MOXD1: variants seen among roughly 807,000 people sequenced by gnomAD.
The protein encoded by MOXD1 is monooxygenase DBH like 1.
MOXD1 carries 62 observed loss-of-function variants against 66.6 expected under a neutral mutation model. The ratio of observed to expected loss-of-function variants is 0.93; its 90% CI spans 0.76 to 1.15. The LOEUF is 1.15. Among genes scored for constraint, MOXD1 ranks in the 50% most tolerant of loss-of-function variants. The probability of loss-of-function intolerance (pLI) is 0.00; values close to 1 mark genes in which losing one functional copy is unlikely to be tolerated. For synonymous variants in MOXD1, 303 were observed against 281.9 expected, an observed-to-expected ratio of 1.07 and a Z score of -0.75; for missense variants, 847 against 754.6, an observed-to-expected ratio of 1.12 and a Z score of -1.44.
In MOXD1 at chr6:132,360,868, T is replaced by C. The variant is rs551939348; in HGVS notation, c.663+11740A>G. The stretch of plus-strand genomic sequence containing the variant: ...GGAATGTTTCCAGCTGATTAAAATA[T>C]ATAGTGGGCATATCGAGTATACATC... On this transcript the variant is annotated intron_variant, in intron 4 of 11. Transcript: ENST00000367963. 2.2e-4 allele frequency among the ~76,000 whole-genome samples: 33 copies of C among 152,368 alleles called. 1 individual carries two copies. Among genetic ancestry groups the C allele is most frequent in the South Asian group, 2.1e-4 (1 of 4,830 alleles).
At chr6:132,363,203 T>C (rs1776049251) in intron 4 of MOXD1, among the ~76,000 whole-genome samples, 1 of 74,014 alleles carries the variant, frequency 1.4e-5, no homozygotes, top group Admixed American at 1.5e-4. Flanking sequence ...ATGTCAAATG[T>C]TCTTACCACA....
intron 9 of MOXD1, among the ~76,000 whole-genome samples, chr6:132,318,748 G>A (rs1389598082): frequency 2.6e-5 from 4 of 152,138 alleles, no homozygotes; most frequent in Admixed American, 2.6e-4. Flanking sequence ...CCAAAGTCAT[G>A]AAGATATATT....
intron 1 of MOXD1, among the ~76,000 whole-genome samples, chr6:132,386,756 C>T (rs1776656431): frequency 6.6e-6 from 1 of 151,472 alleles, no homozygotes; most frequent in Non-Finnish European, 1.5e-5. Flanking sequence ...TTAATACTTC[C>T]AGTGACAATG....
At chr6:132,391,110 C>T (rs1776750751) in intron 1 of MOXD1, 1 of 151,244 alleles carries the variant, frequency 6.6e-6, no homozygotes, top group South Asian at 2.1e-4. Context: ...GTTTAGTTTT[C>T]TCACCTGAAA....
At chr6:132,302,337 T>C (rs1357791891) in intron 10 of MOXD1, among the ~76,000 whole-genome samples, 1 of 152,138 alleles carries the variant, frequency 6.6e-6, no homozygotes, top group Non-Finnish European at 1.5e-5. Flanking sequence ...AATGTCCTGT[T>C]GTCTATGTCT....
intron 10 of MOXD1, among the ~76,000 whole-genome samples, chr6:132,307,688 A>T (rs973354911): frequency 7.9e-5 from 12 of 152,246 alleles, no homozygotes; most frequent in African/African-American, 1.2e-4. Flanking sequence ...ACCACAGTGC[A>T]GTCAAATTAG....
At chr6:132,347,062 A>T (rs912676289) in intron 4 of MOXD1, among the ~76,000 whole-genome samples, 2 of 152,242 alleles carry the variant, frequency 1.3e-5, no homozygotes, top group African/African-American at 4.8e-5. Flanking sequence ...GTGAGTGTTT[A>T]TATGTACCAA....
chr6:132,374,548 C>A, intron 2 of MOXD1, 83 bp downstream of exon 2: 2 of 1,180,552 alleles, frequency 1.7e-6, no homozygotes, highest in South Asian at 4.0e-5. Context: ...GACTATATGA[C>A]TTGTTTCTCT....
intron 4 of MOXD1, among the ~76,000 whole-genome samples, chr6:132,360,736 T>C (rs1224896470): frequency 1.3e-5 from 2 of 152,234 alleles, no homozygotes; most frequent in Non-Finnish European, 2.9e-5. Flanking sequence ...GCTGAAAAAC[T>C]ACGTGTTATA....
intron 1 of MOXD1, among the ~76,000 whole-genome samples, chr6:132,383,855 A>C (rs143553608): frequency 0.021 from 3,136 of 152,184 alleles, 59 homozygotes; most frequent in South Asian, 0.057. Context: ...AGATCACCTG[A>C]GGTTAGGAGT....
At chr6:132,309,977 G>T (rs55842913) in intron 10 of MOXD1, among the ~76,000 whole-genome samples, 7,234 of 152,226 alleles carry the variant, frequency 0.048, 541 homozygotes, top group African/African-American at 0.16. Context: ...AAAAGCAATT[G>T]CAACAAATGC....
Position 132,320,499 on chromosome 6 carries a change from G to T in MOXD1, c.1365+130C>A, listed in dbSNP as rs1775055321. The stretch of plus-strand genomic sequence containing the variant: ...AAAACATCTCTGATGTCACTTTTAT[G>T]ATACTTGATACTCAAGATTTTTAGA... On this transcript the variant is annotated intron_variant, in intron 9 of 11. Transcript: ENST00000367963. 3 of 687,508 alleles carry T rather than the reference G, an allele frequency of 4.4e-6. No homozygotes were observed. The East Asian group carries it at 8.6e-5, about 20-fold the overall frequency. 42.6% of individuals were successfully genotyped at this position (687,508 alleles called of 1,614,324 possible).
chr6:132,377,901 G>T lies in MOXD1; in HGVS notation c.265-3124C>A, dbSNP rs148197984. On this transcript the variant is annotated intron_variant, in intron 1 of 11. Transcript: ENST00000367963. ...CCAGCAATTTAGGAGGCCAAGGGGGGTGGATCACCTGAGGTTAGGAGTTTG... is the reference window on the plus strand; with the variant it reads ...CCAGCAATTTAGGAGGCCAAGGGGGTTGGATCACCTGAGGTTAGGAGTTTG... Among the ~76,000 whole-genome samples the T allele has an allele frequency of 1.9e-3, 295 of 152,286 alleles. 1 individual carries two copies. The highest frequency in any genetic ancestry group is 5.6e-3 in the African/African-American group (233 of 41,562).
chr6:132,361,036 A>T (rs1776008744), intron 4 of MOXD1, among the ~76,000 whole-genome samples: 1 of 152,176 alleles, frequency 6.6e-6, no homozygotes, highest in African/African-American at 2.4e-5. Context: ...TTATAATTCC[A>T]CACAGAGCAA....
intron 10 of MOXD1, among the ~76,000 whole-genome samples, chr6:132,309,658 G>C (rs1203179633): frequency 6.6e-6 from 1 of 151,966 alleles, no homozygotes; most frequent in East Asian, 1.9e-4. Context: ...GCATGATACT[G>C]GTGCAAAAAC....
chr6:132,393,029 C>T (rs963358489), intron 1 of MOXD1, among the ~76,000 whole-genome samples: 1 of 152,118 alleles, frequency 6.6e-6, no homozygotes, highest in African/African-American at 2.4e-5. Flanking sequence ...TTAATGATTG[C>T]CAGCTACTGA....
chr6:132,328,287 T>C, intron 5 of MOXD1, 128 bp downstream of exon 5: 2 of 1,301,720 alleles, frequency 1.5e-6, no homozygotes, highest in Non-Finnish European at 2.1e-6. Flanking sequence ...CCTACGAAAA[T>C]GGAGTTAAGC....
chr6:132,324,029 T>A lies in MOXD1; in HGVS notation c.1015A>T (p.Ile339Phe). 1 of 1,613,930 alleles carries A rather than the reference T, an allele frequency of 6.2e-7. No individual in the cohort carries two copies. Among genetic ancestry groups the A allele is most frequent in the Non-Finnish European group, 8.5e-7 (1 of 1,179,874 alleles). The change falls in exon 7 of 12, where the codon ATT becomes TTT. Residue 339 changes from isoleucine to phenylalanine, a missense_variant. Coordinates refer to ENST00000367963, the MANE Select transcript of MOXD1 (RefSeq NM_015529.4). ...AGGCTCACCCAGAGGCCAGCCTCAA[T>A]CACCCCAGCATCATATTTCCTTATA... is the stretch of plus-strand genomic sequence containing the variant. ...MDIRKYDAGV[I>F]EAGLWVSLFH...
intron 4 of MOXD1, among the ~76,000 whole-genome samples, chr6:132,362,613 T>A (rs1261654064): frequency 1.3e-5 from 2 of 152,186 alleles, no homozygotes; most frequent in African/African-American, 4.8e-5. Context: ...AATGTTAGTA[T>A]TTCTTCTCAT....
Sources: gnomAD v4.1 joint callset for allele counts (sites outside exome capture counted in the v4.1 genomes callset) on GRCh38, gnomAD v4.1.1 for gene constraint, MANE v1.5 for transcripts, NCBI Gene and HGNC (gene_info 2026-07-23, HGNC 2026-07-21) for gene names.